The following RHCE variants were observed in gnomAD, a reference collection of about 807,000 sequenced individuals.
The protein encoded by RHCE is Rh blood group CcEe antigens.
RHCE carries 22 observed loss-of-function variants against 43.8 expected under a neutral mutation model. The observed-to-expected ratio is 0.50, with a 90% CI of 0.36 to 0.72. The LOEUF (loss-of-function observed/expected upper bound fraction) is 0.72, where lower values mean the gene tolerates loss of function less well. Among genes scored for constraint, RHCE ranks in the 30% least tolerant of loss-of-function variants. The pLI is 0.00. For synonymous variants in RHCE, 156 were observed against 210.7 expected, an observed-to-expected ratio of 0.74 and a Z score of 2.25; for missense variants, 385 against 525.4, an observed-to-expected ratio of 0.73 and a Z score of 2.61.
At chr1:25,422,220 G>A (rs2042769910), upstream of RHCE, among the ~76,000 whole-genome samples, 1 of 152,176 alleles carries the variant, frequency 6.6e-6, no homozygotes, top group Non-Finnish European at 1.5e-5. Context: ...CGCTAGCAGG[G>A]GGTTGGTTAA....
At chr1:25,381,610 G>T (rs1328513107) in intron 7 of RHCE, among the ~76,000 whole-genome samples, 2 of 151,472 alleles carry the variant, frequency 1.3e-5, no homozygotes, top group African/African-American at 2.4e-5. Context: ...GTGTGCGCCA[G>T]AGTGCCCAGC....
At chr1:25,430,183 C>T (rs1203075227) in exon 1 of RHCE, 1 of 152,134 alleles carries the variant, frequency 6.6e-6, no homozygotes, top group Non-Finnish European at 1.5e-5. Context: ...GCCGCACACG[C>T]CCCGGGCATC....
intron 1 of RHCE, among the ~76,000 whole-genome samples, chr1:25,412,029 GC>G (rs1485723146): frequency 6.6e-6 from 1 of 152,174 alleles, no homozygotes; most frequent in East Asian, 1.9e-4. Context: ...TCATGACCGG[GC>G]CCAGAGGAGA....
chr1:25,421,399 T>C (rs1281285050), upstream of RHCE, among the ~76,000 whole-genome samples: 1 of 152,168 alleles, frequency 6.6e-6, no homozygotes, highest in African/African-American at 2.4e-5. Flanking sequence ...TTTAAATCTA[T>C]GTGTTTCTAA....
rs1646334887 is a variant in RHCE, at chr1:25,390,785, C to T, written c.765G>A (p.Gly255=). 1 of 1,614,116 alleles carries T rather than the reference C, an allele frequency of 6.2e-7. No homozygotes were observed. Among genetic ancestry groups the T allele is most frequent in the African/African-American group, 1.3e-5 (1 of 74,944 alleles). Reference sequence around the variant, plus strand: ...TCCTTTGGGGGTGAGCCAAGGATGACCCTGAGATGGCTGTCACCACACTGA... The same window carrying T: ...TCCTTTGGGGGTGAGCCAAGGATGATCCTGAGATGGCTGTCACCACACTGA... ...LAVSVVTAIS[G]SSLAHPQRKI... is the part of the protein sequence containing the mutation. The change falls in exon 5 of 10, where the codon GGG becomes GGA. Residue 255 remains glycine, a synonymous_variant. Coordinates refer to ENST00000294413, the MANE Select transcript of RHCE (RefSeq NM_020485.8).
intron 7 of RHCE, among the ~76,000 whole-genome samples, chr1:25,376,066 C>G (rs748475838): frequency 4.1e-4 from 62 of 152,186 alleles, no homozygotes; most frequent in Middle Eastern, 3.4e-3. Flanking sequence ...GCTGGGATTA[C>G]AGACATGAGC....
At chr1:25,371,581 C>G (rs1396841705) in intron 8 of RHCE, among the ~76,000 whole-genome samples, 1 of 151,482 alleles carries the variant, frequency 6.6e-6, no homozygotes, top group East Asian at 1.9e-4. Context: ...CCATGTTGCC[C>G]AGGCTGGTCT....
intron 4 of RHCE, among the ~76,000 whole-genome samples, chr1:25,391,547 T>C (rs115710923): frequency 0.044 from 6,702 of 151,988 alleles, 467 homozygotes; most frequent in African/African-American, 0.15. Context: ...CGTGGCCTGA[T>C]AGTCCTTTGC....
rs1306031645 is a variant in RHCE, at chr1:25,372,904, A to C, written c.1154-2364T>G. 1.3e-5 allele frequency among the ~76,000 whole-genome samples: 2 copies of C among 151,604 alleles called. 1 individual carries two copies. The highest frequency in any genetic ancestry group is 4.9e-5 in the African/African-American group (2 of 40,956). On this transcript the variant is annotated intron_variant, in intron 8 of 9. Transcript: ENST00000294413. Reference sequence around the variant, plus strand: ...ACTGCAACTTCTGCCTCCCAAGCTCAACTGATCCTCCCATCTCAGCCTCCG... The same window carrying C: ...ACTGCAACTTCTGCCTCCCAAGCTCCACTGATCCTCCCATCTCAGCCTCCG...
intron 2 of RHCE, chr1:25,428,879 T>C (rs1282124499): frequency 6.6e-6 from 1 of 152,324 alleles, no homozygotes; most frequent in East Asian, 1.9e-4. Flanking sequence ...AGATACTGTG[T>C]TGGGGCAGAG....
In RHCE at chr1:25,394,302, A is replaced by G. The variant is rs138483045; in HGVS notation, c.487-2161T>C. ...CCGCACCCAGCCTATTTTTTTTTTT[A>G]TCACCATGTGCTGACAATTCTAAAC... is the stretch of plus-strand genomic sequence containing the variant. On this transcript the variant is annotated intron_variant, in intron 3 of 9. Transcript: ENST00000294413. 3.0e-3 allele frequency among the ~76,000 whole-genome samples: 446 copies of G among 147,704 alleles called. 2 individuals are homozygous for G. Among genetic ancestry groups the G allele is most frequent in the African/African-American group, 9.9e-3 (380 of 38,286 alleles).
intron 1 of RHCE, among the ~76,000 whole-genome samples, chr1:25,429,533 A>ATAGGACAT (rs1434155936): frequency 6.6e-6 from 1 of 152,218 alleles, no homozygotes; most frequent in African/African-American, 2.4e-5. Context: ...AAGCTACTGG[A>ATAGGACAT]TAGGACATTC....
At chr1:25,377,270 G>T (rs1027773214) in intron 7 of RHCE, among the ~76,000 whole-genome samples, 4 of 151,766 alleles carry the variant, frequency 2.6e-5, no homozygotes, top group African/African-American at 7.3e-5. Flanking sequence ...TTTTTAGATG[G>T]AGTCTTGCTG....
intron 1 of RHCE, among the ~76,000 whole-genome samples, chr1:25,413,589 G>A (rs1420534657): frequency 6.6e-6 from 1 of 152,106 alleles, no homozygotes; most frequent in Non-Finnish European, 1.5e-5. Context: ...ATGACTTGCA[G>A]AAAGAAGTCT....
chr1:25,386,269 C>T (rs1475069563), intron 6 of RHCE, among the ~76,000 whole-genome samples: 1 of 152,210 alleles, frequency 6.6e-6, no homozygotes, highest in African/African-American at 2.4e-5. Flanking sequence ...ACTGTGTCAA[C>T]CAAGAACGCC....
intron 3 of RHCE, among the ~76,000 whole-genome samples, chr1:25,394,044 A>G (rs1646464267): frequency 6.6e-6 from 1 of 152,116 alleles, no homozygotes; most frequent in African/African-American, 2.4e-5. Context: ...GCTGGAGTGC[A>G]GTGGTGCCAT....
At position 25,362,382 on chromosome 1, in the gene RHCE, T is replaced by G. The variant is rs552548904; in HGVS notation, c.*145A>C. ...ACTAAGTTTTTAGTCTTTAATTTTT[T>G]AATATCAAATCTGTCTCTGACCTTG... On this transcript the variant is annotated 3_prime_UTR_variant, in exon 10 of 10. Transcript: ENST00000294413. The G allele has an allele frequency of 6.4e-7, 1 of 1,574,620 alleles. No individual in the cohort carries two copies. The highest frequency in any genetic ancestry group is 8.6e-7 in the Non-Finnish European group (1 of 1,158,608).
chr1:25,369,494 G>A (rs1645539801), intron 9 of RHCE, among the ~76,000 whole-genome samples: 1 of 151,620 alleles, frequency 6.6e-6, no homozygotes, highest in African/African-American at 2.4e-5. Flanking sequence ...AGGGAGGAGA[G>A]TGGGAGGGGA....
chr1:25,421,995 C>T (rs1331191108), upstream of RHCE, among the ~76,000 whole-genome samples: 2 of 152,090 alleles, frequency 1.3e-5, no homozygotes, highest in African/African-American at 4.8e-5. Context: ...AGCACCCTGT[C>T]ACTAGAGGAA....
Sources: gnomAD v4.1 joint callset for allele counts (sites outside exome capture counted in the v4.1 genomes callset) on GRCh38, gnomAD v4.1.1 for gene constraint, MANE v1.5 for transcripts, NCBI Gene and HGNC (gene_info 2026-07-23, HGNC 2026-07-21) for gene names.